Variants in PTPRD observed in about 807,000 individuals in gnomAD.
PTPRD encodes the protein protein tyrosine phosphatase receptor type D.
A neutral mutation model predicts 214.5 loss-of-function variants in PTPRD; 34 were observed. The ratio of observed to expected loss-of-function variants is 0.16; its 90% CI spans 0.12 to 0.21. The LOEUF is 0.21. Among genes scored for constraint, PTPRD ranks in the 10% least tolerant of loss-of-function variants. The pLI is 1.00. For missense variants in PTPRD, 2,545 were observed against 2,398.7 expected (o/e 1.06, Z -1.27); for synonymous variants, 1,128 against 845.7 (o/e 1.33, Z -5.79).
intron 7 of PTPRD, among the ~76,000 whole-genome samples, chr9:9,723,591 A>G (rs909478711): frequency 6.6e-6 from 1 of 152,060 alleles, no homozygotes; most frequent in Non-Finnish European, 1.5e-5. Flanking sequence ...TTGAGATTAC[A>G]TTGAGGTTGC....
At chr9:9,365,090 G>A (rs192110649) in intron 9 of PTPRD, among the ~76,000 whole-genome samples, 5 of 151,554 alleles carry the variant, frequency 3.3e-5, no homozygotes, top group Admixed American at 2.0e-4. Flanking sequence ...ACCCTGTGCT[G>A]GAGAACACTG....
At chr9:8,857,782 C>CGGAAG (rs1468699854) in intron 11 of PTPRD, 14 of 157,092 alleles carry the variant, frequency 8.9e-5, no homozygotes, top group Admixed American at 3.9e-4. Context: ...GCCGCCGCCG[C>CGGAAG]CGAAGCCCCC....
At chr9:9,462,640 T>G (rs2093763557) in intron 8 of PTPRD, among the ~76,000 whole-genome samples, 1 of 152,136 alleles carries the variant, frequency 6.6e-6, no homozygotes, top group Non-Finnish European at 1.5e-5. Flanking sequence ...TTGCAGATCC[T>G]TCTCCCTTAT....
rs555285251 is a variant in PTPRD, at chr9:10,517,013, C to A, written c.-600+95385G>T. Among the ~76,000 whole-genome samples the A allele has an allele frequency of 7.9e-5, 12 of 151,910 alleles. No homozygotes were observed. In the South Asian group the frequency reaches 1.9e-3, roughly 24 times the overall value. ...TTGAAATCAGGAATTTCAATGCTTT[C>A]AATTTTGTTCTTTCTTAAGGTTATT... On this transcript the variant is annotated intron_variant, in intron 2 of 45. Coordinates refer to ENST00000381196, the MANE Select transcript of PTPRD (RefSeq NM_002839.4).
Position 10,289,182 on chromosome 9 carries a change from T to G in PTPRD, c.-545+51781A>C, listed in dbSNP as rs192563320. Among the ~76,000 whole-genome samples the G allele has an allele frequency of 3.9e-3, 593 of 152,342 alleles. 4 individuals carry two copies. The highest frequency in any genetic ancestry group is 8.9e-3 in the South Asian group (43 of 4,828). On this transcript the variant is annotated intron_variant, in intron 3 of 45. Transcript: ENST00000381196. ...AGAAATGAGGTAGGTTATACAAAGT[T>G]TGGGTAGATTTATTCACAACCTTCT... is the stretch of plus-strand genomic sequence containing the variant.
intron 7 of PTPRD, among the ~76,000 whole-genome samples, chr9:9,599,251 A>G (rs2093584706): frequency 6.6e-6 from 1 of 152,088 alleles, no homozygotes; most frequent in African/African-American, 2.4e-5. Flanking sequence ...AATGTCATAA[A>G]TTAGTAACTC....
chr9:9,867,691 G>C (rs926227572), intron 5 of PTPRD, among the ~76,000 whole-genome samples: 2 of 152,130 alleles, frequency 1.3e-5, no homozygotes, highest in Admixed American at 1.3e-4. Context: ...AGTATCCGGA[G>C]TCCCTTTAAT....
At chr9:9,504,169 G>A (rs1051321448) in intron 8 of PTPRD, among the ~76,000 whole-genome samples, 6 of 151,668 alleles carry the variant, frequency 4.0e-5, no homozygotes, top group African/African-American at 1.5e-4. Flanking sequence ...AGAGATTGTA[G>A]TCTAAGGCTT....
intron 7 of PTPRD, among the ~76,000 whole-genome samples, chr9:9,711,036 G>T (rs958526698): frequency 6.6e-6 from 1 of 152,060 alleles, no homozygotes; most frequent in Admixed American, 6.6e-5. Context: ...CGATGGAATG[G>T]CATCCTGTCC....
chr9:10,391,325 C>T (rs73644445), intron 2 of PTPRD, among the ~76,000 whole-genome samples: 4,385 of 151,690 alleles, frequency 0.029, 212 homozygotes, highest in African/African-American at 0.1. Context: ...TAAAATCTGA[C>T]AGTTTTCTTT....
intron 4 of PTPRD, among the ~76,000 whole-genome samples, chr9:10,031,094 T>C (rs978155012): frequency 7.9e-5 from 12 of 152,188 alleles, no homozygotes; most frequent in Non-Finnish European, 1.0e-4. Flanking sequence ...GGTCCAAGTA[T>C]AGATACTGTA....
At chr9:8,831,493 G>C (rs1275833002) in intron 11 of PTPRD, among the ~76,000 whole-genome samples, 1 of 152,024 alleles carries the variant, frequency 6.6e-6, no homozygotes, top group Non-Finnish European at 1.5e-5. Context: ...ACATTATACA[G>C]TCTACATACA....
chr9:10,062,951 T>G (rs2097801098), intron 3 of PTPRD, among the ~76,000 whole-genome samples: 1 of 152,046 alleles, frequency 6.6e-6, no homozygotes, highest in South Asian at 2.1e-4. Flanking sequence ...TGTCTTATTT[T>G]GTAGGTACCA....
At chr9:9,532,591 G>C (rs1327711016) in intron 8 of PTPRD, among the ~76,000 whole-genome samples, 2 of 152,146 alleles carry the variant, frequency 1.3e-5, no homozygotes, top group Admixed American at 6.6e-5. Context: ...ACATGAAAAG[G>C]CTTTCCAATT....
intron 4 of PTPRD, among the ~76,000 whole-genome samples, chr9:9,952,420 G>C (rs1305481659): frequency 6.6e-6 from 1 of 152,140 alleles, no homozygotes; most frequent in East Asian, 1.9e-4. Context: ...TGTTCCTGGG[G>C]CAAGATGTAG....
intron 10 of PTPRD, among the ~76,000 whole-genome samples, chr9:9,135,251 T>C (rs1239874107): frequency 6.6e-6 from 1 of 152,206 alleles, no homozygotes; most frequent in Non-Finnish European, 1.5e-5. Context: ...CTTCAAACAA[T>C]TCCTCTGGCA....
At chr9:8,485,390 A>T (rs2096977691) in intron 28 of PTPRD, 66 bp from the exon 29 acceptor site, 1 of 1,145,690 alleles carries the variant, frequency 8.7e-7, no homozygotes, top group Non-Finnish European at 1.3e-6. Flanking sequence ...CCTTTCCACC[A>T]TGGACCATAG....
At chr9:9,333,504 T>TGTATATATATATATATATATATATATATA (rs1555249397) in intron 9 of PTPRD, among the ~76,000 whole-genome samples, 4 of 137,248 alleles carry the variant, frequency 2.9e-5, no homozygotes, top group African/African-American at 1.2e-4. Context: ...ATATAGTATA[T>TGTATATATATATATATATATATATATATA]TATATATATA....
chr9:8,833,285 G>A (rs1174358634), intron 11 of PTPRD, among the ~76,000 whole-genome samples: 1 of 152,078 alleles, frequency 6.6e-6, no homozygotes, highest in Non-Finnish European at 1.5e-5. Flanking sequence ...ATTGATTTGA[G>A]CATGTGACTT....
Sources: gnomAD v4.1 joint callset for allele counts (sites outside exome capture counted in the v4.1 genomes callset) on GRCh38, gnomAD v4.1.1 for gene constraint, MANE v1.5 for transcripts, NCBI Gene and HGNC (gene_info 2026-07-23, HGNC 2026-07-21) for gene names.